GALNT13: variants seen among roughly 807,000 people sequenced by gnomAD.
GALNT13 encodes the protein UDP-GalNAc:polypeptide N-acetylgalactosaminyltransferase 13.
GALNT13 carries 28 observed loss-of-function variants against 64.2 expected under a neutral mutation model. That is an observed-to-expected ratio of 0.44 (90% confidence interval 0.32 to 0.60). The LOEUF is 0.60. Among genes scored for constraint, GALNT13 ranks in the 20% least tolerant of loss-of-function variants. The pLI, the probability that GALNT13 is intolerant of heterozygous loss-of-function variation, is 0.05. For missense variants in GALNT13, 577 were observed against 669.8 expected (o/e 0.86, Z 1.53); for synonymous variants, 214 against 224.6 (o/e 0.95, Z 0.42).
chr2:153,910,669 T>G (rs1244087329), intron 2 of GALNT13, among the ~76,000 whole-genome samples: 1 of 152,178 alleles, frequency 6.6e-6, no homozygotes, highest in Non-Finnish European at 1.5e-5. Context: ...ACCTTCTTGA[T>G]TTCTGTCTTA....
At chr2:154,202,465 A>G (rs780998434) in intron 4 of GALNT13, among the ~76,000 whole-genome samples, 8 of 152,060 alleles carry the variant, frequency 5.3e-5, no homozygotes, top group Non-Finnish European at 8.8e-5. Flanking sequence ...TGGACACTTT[A>G]CAGATTATGA....
the GALNT13 span, among the ~76,000 whole-genome samples, chr2:153,589,536 T>G: frequency 6.6e-6 from 1 of 152,230 alleles, no homozygotes; most frequent in African/African-American, 2.4e-5. Context: ...ATTTACTTTA[T>G]TAGTCTGTTC....
chr2:154,110,368 G>C (rs866001441), intron 3 of GALNT13, among the ~76,000 whole-genome samples: 1,171 of 104,736 alleles, frequency 0.011, 30 homozygotes, highest in East Asian at 0.015. Flanking sequence ...GAGAGAGAGA[G>C]AGAGAGAGAC....
chr2:153,875,223 A>C (rs1013300130), intron 1 of GALNT13, among the ~76,000 whole-genome samples: 1 of 152,154 alleles, frequency 6.6e-6, no homozygotes, highest in African/African-American at 2.4e-5. Context: ...ATCCATGGGC[A>C]GCAATACTAC....
At chr2:154,433,902 T>A (rs1409092431) in intron 11 of GALNT13, among the ~76,000 whole-genome samples, 2 of 152,178 alleles carry the variant, frequency 1.3e-5, no homozygotes, top group Non-Finnish European at 2.9e-5. Flanking sequence ...TAACCCCCAG[T>A]TCCTTAGAAT....
chr2:153,316,813 G>A, the GALNT13 span, among the ~76,000 whole-genome samples: 34 of 152,088 alleles, frequency 2.2e-4, no homozygotes, highest in African/African-American at 8.2e-4. Context: ...GGCCCGCACA[G>A]GTAGGGGTGA....
the GALNT13 span, among the ~76,000 whole-genome samples, chr2:153,080,995 A>C: frequency 4.0e-5 from 6 of 151,824 alleles, no homozygotes; most frequent in South Asian, 4.1e-4. Context: ...ATTTTCCTGA[A>C]TCTCTCTCCT....
chr2:154,029,606 T>G (rs866262150), intron 3 of GALNT13, among the ~76,000 whole-genome samples: 1 of 152,086 alleles, frequency 6.6e-6, no homozygotes, highest in Admixed American at 6.6e-5. Context: ...TAAACACTAT[T>G]TACTCATTCT....
chr2:154,456,189 GTT>G (rs758342590), downstream of GALNT13, among the ~76,000 whole-genome samples: 3 of 28,206 alleles, frequency 1.1e-4, no homozygotes, highest in South Asian at 1.5e-3. Flanking sequence ...GTTTTGTTTT[GTT>G]TTGTTGTTGT....
chr2:153,284,694 C>T, the GALNT13 span, among the ~76,000 whole-genome samples: 1 of 152,130 alleles, frequency 6.6e-6, no homozygotes, highest in Non-Finnish European at 1.5e-5. Flanking sequence ...GGGGGAATCA[C>T]TCACTTTTAT....
intron 4 of GALNT13, among the ~76,000 whole-genome samples, chr2:154,194,395 T>C (rs989148559): frequency 2.0e-5 from 3 of 152,092 alleles, no homozygotes; most frequent in Non-Finnish European, 4.4e-5. Context: ...TTTTAAAAAG[T>C]AGAGTTGGGA....
chr2:153,990,856 G>T (rs1695113788), intron 3 of GALNT13, among the ~76,000 whole-genome samples: 1 of 152,160 alleles, frequency 6.6e-6, no homozygotes, highest in Non-Finnish European at 1.5e-5. Flanking sequence ...GATAGCTGTT[G>T]TTTCAACATT....
At chr2:153,884,599 C>A (rs1462893353) in intron 1 of GALNT13, among the ~76,000 whole-genome samples, 1 of 151,348 alleles carries the variant, frequency 6.6e-6, no homozygotes, top group African/African-American at 2.4e-5. Flanking sequence ...AACTCTATAA[C>A]ATGTCATTTA....
chr2:153,234,709 AT>A, the GALNT13 span, among the ~76,000 whole-genome samples: 1 of 152,116 alleles, frequency 6.6e-6, no homozygotes, highest in Admixed American at 6.5e-5. Context: ...ATGTGCTCTC[AT>A]ATTTCCTTAA....
the GALNT13 span, among the ~76,000 whole-genome samples, chr2:153,830,799 G>T: frequency 2.6e-5 from 4 of 152,072 alleles, no homozygotes; most frequent in African/African-American, 9.7e-5. Context: ...TTTGCTTTCA[G>T]AATTATACAT....
chr2:154,148,624 G>T (rs536017365), intron 4 of GALNT13, among the ~76,000 whole-genome samples: 10 of 152,204 alleles, frequency 6.6e-5, no homozygotes, highest in African/African-American at 2.2e-4. Flanking sequence ...CATTCTAACT[G>T]GTGTGAGATG....
intron 4 of GALNT13, among the ~76,000 whole-genome samples, chr2:154,175,705 T>G (rs1295277419): frequency 1.3e-5 from 2 of 152,156 alleles, no homozygotes; most frequent in East Asian, 3.8e-4. Context: ...CAAAATAGTT[T>G]AAAATAAATG....
At chr2:153,417,936 A>G in the GALNT13 span, among the ~76,000 whole-genome samples, 4 of 152,222 alleles carry the variant, frequency 2.6e-5, no homozygotes, top group African/African-American at 7.2e-5. Flanking sequence ...GGAAGAAACA[A>G]TCAGAAGATT....
chr2:153,714,124 G>A, the GALNT13 span, among the ~76,000 whole-genome samples: 3 of 152,164 alleles, frequency 2.0e-5, no homozygotes, highest in Admixed American at 1.3e-4. Context: ...ATCACGGTGA[G>A]TTCTTGCTAA....
Sources: gnomAD v4.1 joint callset for allele counts (sites outside exome capture counted in the v4.1 genomes callset) on GRCh38, gnomAD v4.1.1 for gene constraint, MANE v1.5 for transcripts, NCBI Gene and HGNC (gene_info 2026-07-23, HGNC 2026-07-21) for gene names.